Variants in WDR26 observed in about 807,000 individuals in gnomAD.
The protein encoded by WDR26 is WD repeat-containing protein 26.
In WDR26, 5 loss-of-function variants were observed where a neutral mutation model predicts 84.1. The ratio of observed to expected loss-of-function variants is 0.06; its 90% CI spans 0.03 to 0.13. The LOEUF (loss-of-function observed/expected upper bound fraction) is 0.13, where lower values mean the gene tolerates loss of function less well. Among genes scored for constraint, WDR26 ranks in the 10% least tolerant of loss-of-function variants. WDR26 has a pLI of 1.00. For missense variants in WDR26, 642 were observed against 974.9 expected, an observed-to-expected ratio of 0.66 and a Z score of 4.55; for synonymous variants, 415 against 389.6, an observed-to-expected ratio of 1.07 and a Z score of -0.77.
At chr1:224,389,902 G>A (rs41307688) in intron 13 of WDR26, 42 bp from the exon 14 acceptor site, 5,942 of 376,238 alleles carry the variant, frequency 0.016, 58 homozygotes, top group Non-Finnish European at 0.02. Flanking sequence ...GCGGGCGGGG[G>A]AGGGAAGAGG....
intron 9 of WDR26, among the ~76,000 whole-genome samples, chr1:224,400,361 C>A (rs528331262): frequency 6.7e-6 from 1 of 150,008 alleles, no homozygotes; most frequent in South Asian, 2.1e-4. Context: ...AAATTAGAAA[C>A]TTGCTCATAA....
At position 224,434,688 on chromosome 1, in the gene WDR26, T is replaced by C; in HGVS notation, c.-283A>G. The C allele has an allele frequency of 1.1e-6, 1 of 895,788 alleles. No homozygotes were observed. The highest frequency in any genetic ancestry group is 1.3e-6 in the Non-Finnish European group (1 of 751,168). The allele number at this position is 895,788 out of a possible 1,614,324, so 55.5% of individuals were successfully genotyped here. A position where few individuals can be genotyped will look rare whatever the true frequency, so the allele number is the denominator to read the frequency against. Reference sequence around the variant, plus strand: ...CGCTGGGCTGAGCCCCGGCAGTGGCTGCGGCGGCGGCGGCGGCGGGCGGCA... The same window carrying C: ...CGCTGGGCTGAGCCCCGGCAGTGGCCGCGGCGGCGGCGGCGGCGGGCGGCA... On this transcript the variant is annotated 5_prime_UTR_variant, in exon 1 of 14. Transcript: ENST00000414423.
intron 6 of WDR26, 89 bp downstream of exon 6, chr1:224,418,171 A>G: frequency 9.0e-7 from 1 of 1,108,162 alleles, no homozygotes. Context: ...ATGAACTGTT[A>G]TATAGCTACA....
At chr1:224,399,680 AATTAAGAACAAT>A (rs1298964961) in intron 9 of WDR26, among the ~76,000 whole-genome samples, 2 of 152,332 alleles carry the variant, frequency 1.3e-5, no homozygotes, top group East Asian at 1.9e-4. Flanking sequence ...GCACGCAGGG[AATTAAGAACAAT>A]TCATAACCAT....
chr1:224,420,692 A>C (rs1010229898), intron 4 of WDR26, among the ~76,000 whole-genome samples: 2 of 152,230 alleles, frequency 1.3e-5, no homozygotes, highest in Non-Finnish European at 2.9e-5. Context: ...ATAGTGCTTT[A>C]ACTGATCAAA....
rs1673737517 is a variant in WDR26 at position 224,411,580 on chromosome 1, T to C, written c.1320-15A>G. On this transcript the variant is annotated splice_polypyrimidine_tract_variant and intron_variant, in intron 6 of 13. Transcript: ENST00000414423. ...GGAACTGCCTCCTAAAACAAAGAGG[T>C]CCACAAATTATTCTTTCAAAACAGA... is the stretch of plus-strand genomic sequence containing the variant. 1 of 1,567,920 alleles carries C rather than the reference T, an allele frequency of 6.4e-7. No homozygotes were observed. Among genetic ancestry groups the C allele is most frequent in the African/African-American group, 1.4e-5 (1 of 73,068 alleles).
intron 9 of WDR26, among the ~76,000 whole-genome samples, chr1:224,399,694 C>CA (rs1673357062): frequency 1.3e-5 from 2 of 152,336 alleles, no homozygotes; most frequent in East Asian, 1.9e-4. Flanking sequence ...AAGAACAATT[C>CA]ATAACCATAT....
rs1558406160 is a variant in WDR26 at position 224,385,179 on chromosome 1, A to G, written c.*4656T>C. ...TTCATTCTGTTTATTGGATTGAAAG[A>G]AAGGGAATACAAACGACTGGTTAAG... is the stretch of plus-strand genomic sequence containing the variant. On this transcript the variant is annotated 3_prime_UTR_variant, in exon 14 of 14. Transcript: ENST00000414423. 6.6e-6 allele frequency: 1 copy of G among 152,266 alleles called. No individual in the cohort carries two copies. The highest frequency in any genetic ancestry group is 1.5e-5 in the Non-Finnish European group (1 of 68,046). 9.4% of individuals were successfully genotyped at this position (152,266 alleles called of 1,614,324 possible). A position where few individuals can be genotyped will look rare whatever the true frequency, so the allele number is the denominator to read the frequency against.
At chr1:224,412,721 T>C (rs1481533263) in intron 6 of WDR26, among the ~76,000 whole-genome samples, 1 of 152,250 alleles carries the variant, frequency 6.6e-6, no homozygotes, top group Admixed American at 6.5e-5. Context: ...TCTAATATGG[T>C]AGCCCTCACT....
chr1:224,431,334 CATT>C, intron 3 of WDR26, 140 bp downstream of exon 3: 2 of 668,416 alleles, frequency 3.0e-6, no homozygotes, highest in Middle Eastern at 4.1e-4. Context: ...TACTTTAAAA[CATT>C]ATACTCATCC....
chr1:224,389,819 T>G lies in WDR26; in HGVS notation c.*16A>C, dbSNP rs763394701. Reference sequence around the variant, plus strand: ...AATTTTAAGTTAAACAGAAGTCGTCTGCTCCAAATTCACCATCAACTATCC... The same window carrying G: ...AATTTTAAGTTAAACAGAAGTCGTCGGCTCCAAATTCACCATCAACTATCC... On this transcript the variant is annotated 3_prime_UTR_variant, in exon 14 of 14. Coordinates refer to ENST00000414423, the MANE Select transcript of WDR26 (RefSeq NM_001379403.1). 6.3e-7 allele frequency: 1 copy of G among 1,582,366 alleles called. No homozygotes were observed. Among genetic ancestry groups the G allele is most frequent in the Non-Finnish European group, 8.6e-7 (1 of 1,168,080 alleles).
chr1:224,423,687 G>A (rs1008287312), intron 4 of WDR26, among the ~76,000 whole-genome samples: 3 of 152,198 alleles, frequency 2.0e-5, no homozygotes, highest in African/African-American at 7.2e-5. Flanking sequence ...ACTAGAGGTG[G>A]CAGTGATCTA....
intron 3 of WDR26, among the ~76,000 whole-genome samples, chr1:224,426,153 C>G (rs576907109): frequency 1.4e-3 from 220 of 152,182 alleles, no homozygotes; most frequent in African/African-American, 4.8e-3. Context: ...ACACCGCACC[C>G]GGCCCAAAAT....
At position 224,419,606 on chromosome 1, in the gene WDR26, C is replaced by T; in HGVS notation, c.1074G>A (p.Met358Ile). Residue 358 changes from methionine to isoleucine, a missense_variant, in exon 5 of 14, where the codon ATG becomes ATA. Around this residue, in one of 2 missense-constraint regions of WDR26, gnomAD observed 351 missense variants for 672.8 expected, o/e 0.52. Coordinates refer to ENST00000414423, the MANE Select transcript of WDR26 (RefSeq NM_001379403.1). ...CACGTAGGTCTTCTGCATGGCTACA[C>T]ATCAGATACCTAAAAATACAACAGA... The T allele has an allele frequency of 6.2e-7, 1 of 1,612,406 alleles. No individual in the cohort carries two copies. The highest frequency in any genetic ancestry group is 8.5e-7 in the Non-Finnish European group (1 of 1,178,526).
intron 7 of WDR26, among the ~76,000 whole-genome samples, chr1:224,407,151 A>AAAAAAAAAAAAAATATATATATATAT: frequency 8.4e-5 from 1 of 11,868 alleles, no homozygotes; most frequent in Non-Finnish European, 1.4e-4. Flanking sequence ...AAAAAAAAAA[A>AAAAAAAAAAAAAATATATATATATAT]ATATATATAT....
intron 10 of WDR26, 48 bp downstream of exon 10, chr1:224,398,841 G>A (rs772869218): frequency 1.9e-6 from 3 of 1,603,958 alleles, no homozygotes; most frequent in African/African-American, 1.3e-5. Flanking sequence ...CTACACATTT[G>A]AATATAAATC....
intron 6 of WDR26, among the ~76,000 whole-genome samples, chr1:224,414,974 T>C (rs906601105): frequency 6.6e-6 from 1 of 152,216 alleles, no homozygotes; most frequent in Non-Finnish European, 1.5e-5. Context: ...ACCACTGCAC[T>C]CCAACTTGGG....
In WDR26 at chr1:224,404,519, C is replaced by A. The variant is rs933720635; in HGVS notation, c.1510G>T (p.Val504Phe). The A allele has an allele frequency of 6.2e-7, 1 of 1,613,922 alleles. No homozygotes were observed. The highest frequency in any genetic ancestry group is 8.5e-7 in the Non-Finnish European group (1 of 1,179,900). The change falls in exon 8 of 14, where the codon GTT becomes TTT. Residue 504 changes from valine (V) to phenylalanine (F), a missense_variant. Physicochemically the swap from Val to Phe is conservative, Grantham distance 50. This residue lies in a region of WDR26 where 351 missense variants were observed against 672.8 expected (regional missense o/e 0.52). Transcript: ENST00000414423. ...TCTGGACTCCATGCAATATAAGAAA[C>A]GCCATAAGCATGTCCTTCTAATGTT...
chr1:224,417,124 TAC>T (rs2102911710), intron 6 of WDR26, among the ~76,000 whole-genome samples: 2 of 152,364 alleles, frequency 1.3e-5, no homozygotes, highest in African/African-American at 4.8e-5. Flanking sequence ...AAGTGGTTTA[TAC>T]ACATGTAAAA....
Sources: gnomAD v4.1 joint callset for allele counts (sites outside exome capture counted in the v4.1 genomes callset) on GRCh38, gnomAD v4.1.1 for gene constraint, gnomAD v4.1.1 regional missense constraint, MANE v1.5 for transcripts, NCBI Gene and HGNC (gene_info 2026-07-23, HGNC 2026-07-21) for gene names.